Variants in OSBPL1A observed in about 807,000 individuals in gnomAD.
OSBPL1A encodes the protein oxysterol-binding protein-related protein 1.
OSBPL1A carries 80 observed loss-of-function variants against 137.1 expected under a neutral mutation model. That is an observed-to-expected ratio of 0.58 (90% CI 0.49 to 0.70). The LOEUF (loss-of-function observed/expected upper bound fraction) is 0.70, where lower values mean the gene tolerates loss of function less well. Among genes scored for constraint, OSBPL1A ranks in the 30% least tolerant of loss-of-function variants. OSBPL1A has a pLI of 0.00. For synonymous variants in OSBPL1A, 365 were observed against 389.7 expected, an observed-to-expected ratio of 0.94 and a Z score of 0.75; for missense variants, 970 against 1,129.4, an observed-to-expected ratio of 0.86 and a Z score of 2.02.
chr18:24,258,381 A>G (rs140218622), intron 15 of OSBPL1A, among the ~76,000 whole-genome samples: 3 of 152,340 alleles, frequency 2.0e-5, no homozygotes, highest in Non-Finnish European at 4.4e-5. Flanking sequence ...AGAAAGACAA[A>G]CATTGCATGT....
At chr18:24,247,507 C>T (rs1186204353) in intron 15 of OSBPL1A, among the ~76,000 whole-genome samples, 19 of 152,084 alleles carry the variant, frequency 1.2e-4, no homozygotes, top group Admixed American at 1.2e-3. Flanking sequence ...ACTCTGTCAC[C>T]CAGGCTAGAA....
Position 24,271,788 on chromosome 18 carries a change from CT to C in OSBPL1A, c.1281+9053del. ...GGCCCGCAAGGTCTCCCTAAGTCACCTTTGCGCAGCCTGCCCCTGGCTCCGG... is the reference window on the plus strand; with the variant it reads ...GGCCCGCAAGGTCTCCCTAAGTCACCTTGCGCAGCCTGCCCCTGGCTCCGG... On this transcript the variant is annotated intron_variant, in intron 15 of 27. Transcript: ENST00000319481. The surrounding 1 kb of genome is among the most constrained non-coding windows in gnomAD (Gnocchi z 4.0). 1.0e-6 allele frequency: 1 copy of C among 985,448 alleles called. No homozygotes were observed. Among genetic ancestry groups the C allele is most frequent in the East Asian group, 1.1e-4 (1 of 8,812 alleles). The allele number at this position is 985,448 out of a possible 1,614,324, so 61.0% of individuals were successfully genotyped here.
rs569212936 is a variant in OSBPL1A at position 24,221,034 on chromosome 18, G to A, written c.1601+4008C>T. Among the ~76,000 whole-genome samples the A allele has an allele frequency of 2.6e-5, 4 of 152,190 alleles. No individual in the cohort carries two copies. The South Asian group carries it at 8.3e-4, about 32-fold the overall frequency. On this transcript the variant is annotated intron_variant, in intron 17 of 27. Transcript: ENST00000319481. Reference sequence around the variant, plus strand: ...GGCCTCAAGTGATCCACCCGCCTCAGCCTCCCAAAGTACTAGTATTACAAG... The same window carrying A: ...GGCCTCAAGTGATCCACCCGCCTCAACCTCCCAAAGTACTAGTATTACAAG...
intron 23 of OSBPL1A, 144 bp downstream of exon 23, chr18:24,171,265 C>G: frequency 1.8e-6 from 1 of 565,040 alleles, no homozygotes. Flanking sequence ...TGAACCTGAC[C>G]TCGTGATCTG....
chr18:24,182,582 G>GAACTGA (rs1407095668), intron 18 of OSBPL1A, among the ~76,000 whole-genome samples: 2 of 152,116 alleles, frequency 1.3e-5, no homozygotes, highest in African/African-American at 4.8e-5. Flanking sequence ...AACCTGCAAA[G>GAACTGA]AACTGAAACT....
At chr18:24,190,154 G>A (rs2086850340) in intron 18 of OSBPL1A, among the ~76,000 whole-genome samples, 1 of 152,128 alleles carries the variant, frequency 6.6e-6, no homozygotes, top group African/African-American at 2.4e-5. Flanking sequence ...CACCTACACA[G>A]GAATGTGGAG....
chr18:24,221,549 A>G (rs77484461), intron 17 of OSBPL1A, among the ~76,000 whole-genome samples: 2,853 of 152,342 alleles, frequency 0.019, 47 homozygotes, highest in Non-Finnish European at 0.029. Context: ...AAGATATTGT[A>G]CATTTTCTTC....
intron 17 of OSBPL1A, among the ~76,000 whole-genome samples, chr18:24,214,524 C>G (rs757879317): frequency 6.6e-6 from 1 of 152,108 alleles, no homozygotes; most frequent in Non-Finnish European, 1.5e-5. Flanking sequence ...GGCTCTCTAT[C>G]GAGAAAGGTC....
intron 15 of OSBPL1A, among the ~76,000 whole-genome samples, chr18:24,262,923 T>C (rs1031418522): frequency 6.6e-6 from 1 of 152,162 alleles, no homozygotes; most frequent in African/African-American, 2.4e-5. Flanking sequence ...TAGTATAATG[T>C]TCTTTAGATT....
At chr18:24,212,800 T>G (rs897985978) in intron 17 of OSBPL1A, among the ~76,000 whole-genome samples, 1 of 152,242 alleles carries the variant, frequency 6.6e-6, no homozygotes, top group Non-Finnish European at 1.5e-5. Context: ...ATGAAATACT[T>G]GGCAAGTTTA....
rs534402994 is a variant in OSBPL1A, at chr18:24,311,580, C to G, written c.1092+404G>C. On this transcript the variant is annotated intron_variant, in intron 13 of 27. Coordinates refer to ENST00000319481, the MANE Select transcript of OSBPL1A (RefSeq NM_080597.4). ...GATTACAAGTGGTTTTAAAGGAAACCTACCAACCAGGAAAGGTATCACTAT... is the reference window on the plus strand; with the variant it reads ...GATTACAAGTGGTTTTAAAGGAAACGTACCAACCAGGAAAGGTATCACTAT... 3 of 816,872 alleles carry G rather than the reference C, an allele frequency of 3.7e-6. No individual in the cohort carries two copies. The South Asian group carries it at 1.6e-4, about 44-fold the overall frequency. 50.6% of individuals were successfully genotyped at this position (816,872 alleles called of 1,614,324 possible).
intron 15 of OSBPL1A, among the ~76,000 whole-genome samples, chr18:24,249,754 C>T (rs181382763): frequency 2.0e-5 from 3 of 152,252 alleles, no homozygotes; most frequent in Admixed American, 1.3e-4. Flanking sequence ...GGTCAGAACT[C>T]GAGTTTGTTG....
intron 16 of OSBPL1A, among the ~76,000 whole-genome samples, chr18:24,236,019 G>C (rs1013281133): frequency 6.6e-6 from 1 of 152,090 alleles, no homozygotes; most frequent in South Asian, 2.1e-4. Context: ...ATGCAGGCAG[G>C]TCCCTAGAAG....
At chr18:24,349,958 C>T (rs1263877079) in intron 4 of OSBPL1A, among the ~76,000 whole-genome samples, 5 of 152,096 alleles carry the variant, frequency 3.3e-5, no homozygotes, top group African/African-American at 1.2e-4. Context: ...ATTTGTTATG[C>T]AGCAATAGAA....
chr18:24,298,546 C>T (rs965911124), intron 14 of OSBPL1A, among the ~76,000 whole-genome samples: 5 of 152,126 alleles, frequency 3.3e-5, no homozygotes, highest in East Asian at 1.9e-4. Context: ...GGGGTTTCAC[C>T]GTGTTAGCCA....
chr18:24,359,108 C>T (rs1395096224), intron 4 of OSBPL1A, among the ~76,000 whole-genome samples: 1 of 151,454 alleles, frequency 6.6e-6, no homozygotes, highest in East Asian at 2.0e-4. Context: ...GTCCTAATTC[C>T]TGGGGAGGCT....
At chr18:24,213,638 T>C (rs879909921) in intron 17 of OSBPL1A, among the ~76,000 whole-genome samples, 1 of 152,234 alleles carries the variant, frequency 6.6e-6, no homozygotes, top group African/African-American at 2.4e-5. Context: ...AATATTTCCA[T>C]AACTTAAAAT....
intron 14 of OSBPL1A, among the ~76,000 whole-genome samples, chr18:24,301,645 T>C (rs1568011542): frequency 1.3e-5 from 2 of 152,230 alleles, no homozygotes; most frequent in African/African-American, 4.8e-5. Context: ...ATACCAAATA[T>C]GACACCGTTA....
At chr18:24,397,016 A>C (rs989317436) in intron 1 of OSBPL1A, among the ~76,000 whole-genome samples, 1 of 152,240 alleles carries the variant, frequency 6.6e-6, no homozygotes, top group Non-Finnish European at 1.5e-5. Flanking sequence ...CCACAGTTCC[A>C]TTTCACAATA....
Sources: allele counts gnomAD v4.1 joint callset (sites outside exome capture counted in the v4.1 genomes callset), GRCh38; gene constraint gnomAD v4.1.1; non-coding constraint Gnocchi (gnomAD v3.1); transcripts MANE v1.5; gene names NCBI Gene and HGNC (gene_info 2026-07-23, HGNC 2026-07-21).